RPS6KA2: variants seen among roughly 807,000 people sequenced by gnomAD.
The protein encoded by RPS6KA2 is ribosomal protein S6 kinase alpha-2.
RPS6KA2 carries 42 observed loss-of-function variants against 91.8 expected under a neutral mutation model. The observed-to-expected ratio is 0.46, with a 90% CI of 0.36 to 0.59. The LOEUF is 0.59. Ranked by LOEUF, RPS6KA2 falls within the 20% of genes least tolerant of loss-of-function variation. RPS6KA2 has a pLI of 0.00. For missense variants in RPS6KA2, 798 were observed against 978.5 expected (o/e 0.82, Z 2.46); for synonymous variants, 414 against 393.6 (o/e 1.05, Z -0.61).
intron 10 of RPS6KA2, among the ~76,000 whole-genome samples, chr6:166,476,086 C>T (rs1178292592): frequency 1.3e-5 from 2 of 152,174 alleles, no homozygotes; most frequent in Admixed American, 1.3e-4. Flanking sequence ...AGGCACTCAT[C>T]TCCTATGACT....
At chr6:166,808,018 G>T (rs569195129) in intron 2 of RPS6KA2, among the ~76,000 whole-genome samples, 26 of 151,550 alleles carry the variant, frequency 1.7e-4, no homozygotes, top group Admixed American at 4.6e-4. Flanking sequence ...ACCTCGGGAT[G>T]CATGAGGCAG....
intron 14 of RPS6KA2, among the ~76,000 whole-genome samples, chr6:166,447,502 T>C (rs762833859): frequency 1.3e-5 from 2 of 152,130 alleles, no homozygotes; most frequent in Non-Finnish European, 2.9e-5. Flanking sequence ...TCGGCTGGCG[T>C]CTTCTATGAC....
rs568447638 is a variant in RPS6KA2 at position 166,539,155 on chromosome 6, C to A, written c.100-371G>T. Among the ~76,000 whole-genome samples, 9 of 152,232 alleles carry A rather than the reference C, an allele frequency of 5.9e-5. No homozygotes were observed. The South Asian group carries it at 1.9e-3, about 32-fold the overall frequency. ...GGATGGTCTCGATCTCCTGACCTCG[C>A]GATCCACCTGCCTCGGCCTCCCAAA... On this transcript the variant is annotated intron_variant, in intron 1 of 20. Transcript: ENST00000265678.
intron 16 of RPS6KA2, among the ~76,000 whole-genome samples, chr6:166,426,176 A>G (rs973557514): frequency 7.9e-5 from 12 of 152,124 alleles, no homozygotes; most frequent in Non-Finnish European, 1.5e-4. Context: ...CTACATGGAA[A>G]CTGAACAACC....
chr6:166,728,697 T>C (rs1562404635), intron 2 of RPS6KA2, among the ~76,000 whole-genome samples: 1 of 152,156 alleles, frequency 6.6e-6, no homozygotes, highest in Non-Finnish European at 1.5e-5. Context: ...GTAGGATCAA[T>C]ACCACGTGCT....
chr6:166,639,854 G>A lies in RPS6KA2; in HGVS notation c.124-101070C>T, dbSNP rs1176507645. ...CCTGGGTTCCTCTAGTTTGCTCACT[G>A]TGCTGTATTAAAACTTTGGGTTCCC... On this transcript the variant is annotated intron_variant, in intron 2 of 21. Coordinates refer to the RPS6KA2 transcript ENST00000503859. The surrounding 1 kb of genome is among the most constrained non-coding windows in gnomAD (Gnocchi z 4.2). Among the ~76,000 whole-genome samples the A allele has an allele frequency of 6.6e-6, 1 of 151,826 alleles. No homozygotes were observed. The highest frequency in any genetic ancestry group is 2.4e-5 in the African/African-American group (1 of 41,298).
In RPS6KA2 at chr6:166,508,622, T is replaced by C. The variant is rs1331951919; in HGVS notation, c.380-340A>G. ...AAGCTGGTATCGTTGCTGGCTTTTG[T>C]CGTAATGCATTAGTGAGCAGCCTGA... On this transcript the variant is annotated intron_variant, in intron 4 of 20. Transcript: ENST00000265678. This position sits in a 1 kb window ranked among gnomAD's most constrained non-coding sequence, Gnocchi z 4.3. Among the ~76,000 whole-genome samples the C allele has an allele frequency of 2.0e-5, 3 of 152,168 alleles. No individual in the cohort carries two copies. The South Asian group carries it at 6.2e-4, about 32-fold the overall frequency.
Position 166,444,596 on chromosome 6 carries a change from C to T in RPS6KA2, c.1332+4128G>A, listed in dbSNP as rs192295824. Among the ~76,000 whole-genome samples the T allele has an allele frequency of 3.3e-5, 5 of 152,336 alleles. No homozygotes were observed. In the East Asian group the frequency reaches 7.7e-4, roughly 23 times the overall value. On this transcript the variant is annotated intron_variant, in intron 14 of 20. Transcript: ENST00000265678. Reference sequence around the variant, plus strand: ...ACTGGCTGGGGGCACCGGCAGAATGCGCTGCATCAAGTCCAGCCTGAAACA... The same window carrying T: ...ACTGGCTGGGGGCACCGGCAGAATGTGCTGCATCAAGTCCAGCCTGAAACA...
chr6:166,436,423 C>T (rs1030637690), intron 14 of RPS6KA2, among the ~76,000 whole-genome samples: 5 of 152,248 alleles, frequency 3.3e-5, no homozygotes, highest in African/African-American at 4.8e-5. Context: ...GGTCACTGGC[C>T]GGCCAGCAAG....
intron 2 of RPS6KA2, among the ~76,000 whole-genome samples, chr6:166,765,969 T>C (rs1234379476): frequency 6.6e-6 from 1 of 152,234 alleles, no homozygotes; most frequent in Non-Finnish European, 1.5e-5. Flanking sequence ...TCCCGCTTTC[T>C]AGTTCACTGA....
At position 166,725,787 on chromosome 6, in the gene RPS6KA2, A is replaced by G. The variant is rs138258523; in HGVS notation, c.123+132413T>C. Among the ~76,000 whole-genome samples the G allele has an allele frequency of 2.3e-3, 343 of 152,370 alleles. 1 individual carries two copies. Among genetic ancestry groups the G allele is most frequent in the African/African-American group, 7.9e-3 (328 of 41,584 alleles). On this transcript the variant is annotated intron_variant, in intron 2 of 21. Transcript: ENST00000503859. ...CGTGGACGTTCCCGACCTGCCCCAC[A>G]GCACAGAGACTGGCTCCAGGTATGC...
intron 2 of RPS6KA2, among the ~76,000 whole-genome samples, chr6:166,794,559 T>C (rs1435493968): frequency 6.7e-6 from 1 of 150,000 alleles, no homozygotes; most frequent in African/African-American, 2.5e-5. Flanking sequence ...TGCACATGTA[T>C]GTTTATTGTG....
chr6:166,756,907 G>A (rs1778026659), intron 2 of RPS6KA2, among the ~76,000 whole-genome samples: 1 of 152,190 alleles, frequency 6.6e-6, no homozygotes, highest in South Asian at 2.1e-4. Context: ...AAGGGTGGGA[G>A]GAATGAGGAG....
chr6:166,592,730 G>A (rs1172622766), intron 1 of RPS6KA2, among the ~76,000 whole-genome samples: 1 of 152,096 alleles, frequency 6.6e-6, no homozygotes, highest in African/African-American at 2.4e-5. Context: ...CTGCCCACCT[G>A]CGGTCTGCCC....
chr6:166,623,207 T>C (rs1271189216), intron 1 of RPS6KA2, among the ~76,000 whole-genome samples: 1 of 152,266 alleles, frequency 6.6e-6, no homozygotes. Flanking sequence ...CTAAATGAAA[T>C]GACTTTGCAT....
chr6:166,589,582 T>C (rs1785292810), intron 1 of RPS6KA2, among the ~76,000 whole-genome samples: 1 of 152,178 alleles, frequency 6.6e-6, no homozygotes. Context: ...TACCCTTAGG[T>C]ATTTTACCCT....
At position 166,563,254 on chromosome 6, in the gene RPS6KA2, C is replaced by T. The variant is rs145068591; in HGVS notation, c.100-24470G>A. ...AGAAGGAAGATGGAGAAGGCATCCT[C>T]CGGTGGGATGGGGTGGAGCTGGGAG... On this transcript the variant is annotated intron_variant, in intron 1 of 20. Transcript: ENST00000265678. The surrounding 1 kb of genome is among the most constrained non-coding windows in gnomAD (Gnocchi z 4.1). 2.5e-3 allele frequency among the ~76,000 whole-genome samples: 386 copies of T among 152,278 alleles called. 2 individuals carry two copies. Among genetic ancestry groups the T allele is most frequent in the African/African-American group, 9.0e-3 (373 of 41,564 alleles).
chr6:166,702,317 C>T (rs1388430145), intron 2 of RPS6KA2: 62 of 1,613,398 alleles, frequency 3.8e-5, no homozygotes, highest in Middle Eastern at 1.7e-4. Flanking sequence ...AAGCCCCCGG[C>T]GACCTCGGGG....
rs566226590 is a variant in RPS6KA2 at position 166,493,991 on chromosome 6, G to A, written c.748-3250C>T. ...GGTACTGGGGGCAGGGGAAGGAGGA[G>A]ACTCTGGGGAGACCCTTGGTGACAG... is the stretch of plus-strand genomic sequence containing the variant. On this transcript the variant is annotated intron_variant, in intron 8 of 20. Coordinates refer to ENST00000265678, the MANE Select transcript of RPS6KA2 (RefSeq NM_021135.6). The surrounding 1 kb of genome is among the most constrained non-coding windows in gnomAD (Gnocchi z 4.7). Among the ~76,000 whole-genome samples, 2 of 152,214 alleles carry A rather than the reference G, an allele frequency of 1.3e-5. No homozygotes were observed. The highest frequency in any genetic ancestry group is 2.9e-5 in the Non-Finnish European group (2 of 68,044).
Sources: gnomAD v4.1 joint callset for allele counts (sites outside exome capture counted in the v4.1 genomes callset) on GRCh38, gnomAD v4.1.1 for gene constraint, Gnocchi (gnomAD v3.1) non-coding constraint, MANE v1.5 for transcripts, NCBI Gene and HGNC (gene_info 2026-07-23, HGNC 2026-07-21) for gene names.